The following PTPN4 variants were observed in gnomAD, a reference collection of about 807,000 sequenced individuals.
PTPN4 encodes tyrosine-protein phosphatase non-receptor type 4.
A neutral mutation model predicts 135.5 loss-of-function variants in PTPN4; 49 were observed. The ratio of observed to expected loss-of-function variants is 0.36; its 90% confidence interval spans 0.29 to 0.46. The LOEUF (loss-of-function observed/expected upper bound fraction) is 0.46, where lower values mean the gene tolerates loss of function less well. PTPN4 is among the 20% of genes least tolerant of loss of function. The probability of loss-of-function intolerance (pLI) is 1.00; values close to 1 mark genes in which losing one functional copy is unlikely to be tolerated. For synonymous variants in PTPN4, 333 were observed against 369.9 expected (o/e 0.90, Z 1.14); for missense variants, 860 against 1,101.0 (o/e 0.78, Z 3.10).
intron 2 of PTPN4, among the ~76,000 whole-genome samples, chr2:119,831,361 C>T (rs1161916589): frequency 1.3e-5 from 2 of 152,158 alleles, no homozygotes; most frequent in Non-Finnish European, 2.9e-5. Flanking sequence ...TTCATTTTCA[C>T]TTGAGTGGTC....
chr2:119,957,245 A>G, intron 22 of PTPN4, among the ~76,000 whole-genome samples, 168 bp downstream of exon 22: 1 of 152,172 alleles, frequency 6.6e-6, no homozygotes, highest in African/African-American at 2.4e-5. Flanking sequence ...TTGTGTATTA[A>G]TACAGGTAGA....
chr2:119,975,194 C>T (rs1043000196), intron 26 of PTPN4, among the ~76,000 whole-genome samples: 22 of 152,178 alleles, frequency 1.4e-4, no homozygotes, highest in African/African-American at 5.1e-4. Context: ...TCATCGCAGC[C>T]TCAACCTCCT....
At chr2:119,771,195 C>A (rs1286738510) in intron 1 of PTPN4, among the ~76,000 whole-genome samples, 2 of 152,160 alleles carry the variant, frequency 1.3e-5, no homozygotes, top group African/African-American at 4.8e-5. Flanking sequence ...GTGATGCCTT[C>A]TTGGACTTTC....
intron 19 of PTPN4, among the ~76,000 whole-genome samples, chr2:119,953,386 C>G (rs1679236559): frequency 6.6e-6 from 1 of 152,142 alleles, no homozygotes. Context: ...CTTTGTACCT[C>G]TTGTTCACAA....
chr2:119,931,738 C>T (rs1033801663), intron 13 of PTPN4, among the ~76,000 whole-genome samples: 2 of 151,962 alleles, frequency 1.3e-5, no homozygotes, highest in Non-Finnish European at 2.9e-5. Context: ...CCTCGCGCAT[C>T]CAAGATCTTT....
intron 1 of PTPN4, among the ~76,000 whole-genome samples, chr2:119,764,321 T>A (rs912603189): frequency 6.6e-6 from 1 of 152,174 alleles, no homozygotes; most frequent in Non-Finnish European, 1.5e-5. Context: ...TATATAGGAG[T>A]TCCCCGGTGC....
intron 12 of PTPN4, among the ~76,000 whole-genome samples, chr2:119,924,010 A>G (rs1678776571): frequency 6.6e-6 from 1 of 151,720 alleles, no homozygotes; most frequent in South Asian, 2.1e-4. Context: ...AGTGGTGGGC[A>G]CCTGTAGTCC....
chr2:119,788,575 A>G (rs1039924565), intron 1 of PTPN4, among the ~76,000 whole-genome samples: 1 of 152,180 alleles, frequency 6.6e-6, no homozygotes, highest in African/African-American at 2.4e-5. Context: ...TCTTTAAAGT[A>G]TGAAATTCTG....
At chr2:119,851,796 C>A (rs1470491304) in intron 2 of PTPN4, among the ~76,000 whole-genome samples, 1 of 152,092 alleles carries the variant, frequency 6.6e-6, no homozygotes, top group Non-Finnish European at 1.5e-5. Flanking sequence ...ATTGTCTGTC[C>A]CTGCCTCCGG....
intron 6 of PTPN4, 63 bp from the exon 7 acceptor site, chr2:119,882,034 T>G: frequency 7.1e-7 from 1 of 1,409,930 alleles, no homozygotes; most frequent in Non-Finnish European, 1.0e-6. Flanking sequence ...TTTAACAAAT[T>G]ATAGCACTTT....
intron 1 of PTPN4, among the ~76,000 whole-genome samples, chr2:119,784,187 T>A (rs1167866830): frequency 6.6e-6 from 1 of 152,006 alleles, no homozygotes; most frequent in Non-Finnish European, 1.5e-5. Context: ...ACATCTACTG[T>A]ACTCTGTTGG....
At chr2:119,867,308 A>C (rs1232650321) in intron 3 of PTPN4, among the ~76,000 whole-genome samples, 1 of 152,136 alleles carries the variant, frequency 6.6e-6, no homozygotes, top group East Asian at 1.9e-4. Flanking sequence ...GGAATAAAGA[A>C]ATTGCTAAGA....
At chr2:119,779,872 G>A (rs934682303) in intron 1 of PTPN4, among the ~76,000 whole-genome samples, 2 of 152,014 alleles carry the variant, frequency 1.3e-5, no homozygotes, top group South Asian at 4.2e-4. Flanking sequence ...AGCCTTCTGG[G>A]TAGTTGGGAC....
intron 18 of PTPN4, among the ~76,000 whole-genome samples, chr2:119,948,167 T>C (rs1008979024): frequency 7.9e-5 from 12 of 152,100 alleles, no homozygotes; most frequent in Admixed American, 4.6e-4. Context: ...AATATGAATA[T>C]GATTGGGACT....
At position 119,983,603 on chromosome 2, in the gene PTPN4, T is replaced by C. The variant is rs1208260159; in HGVS notation, c.*6533T>C. On this transcript the variant is annotated 3_prime_UTR_variant, in exon 27 of 27. Transcript: ENST00000263708. Reference sequence around the variant, plus strand: ...TATTTCATGCTGACCACCAACTTAATTTATACATTTTAAAATAAAATTATC... The same window carrying C: ...TATTTCATGCTGACCACCAACTTAACTTATACATTTTAAAATAAAATTATC... 1 of 152,214 alleles carries C rather than the reference T, an allele frequency of 6.6e-6. No individual in the cohort carries two copies. Among genetic ancestry groups the C allele is most frequent in the Non-Finnish European group, 1.5e-5 (1 of 68,032 alleles). The allele number at this position is 152,214 out of a possible 1,614,324, so 9.4% of individuals were successfully genotyped here.
intron 1 of PTPN4, among the ~76,000 whole-genome samples, chr2:119,795,823 C>T (rs1317410134): frequency 6.6e-6 from 1 of 152,246 alleles, no homozygotes; most frequent in Non-Finnish European, 1.5e-5. Context: ...CTATCCCCAC[C>T]CCTTTGTGCC....
intron 25 of PTPN4, among the ~76,000 whole-genome samples, chr2:119,967,457 A>G (rs1021465972): frequency 7.9e-5 from 12 of 152,170 alleles, no homozygotes; most frequent in Non-Finnish European, 1.5e-4. Flanking sequence ...AAAAAAAAAA[A>G]AGATATATTT....
At chr2:119,969,243 G>A (rs1442292471) in intron 26 of PTPN4, among the ~76,000 whole-genome samples, 17 of 151,974 alleles carry the variant, frequency 1.1e-4, no homozygotes, top group Admixed American at 1.1e-3. Flanking sequence ...GAACTCCTGG[G>A]TTCAAGCTGT....
rs763375133 is a variant in PTPN4 at position 119,979,839 on chromosome 2, A to G, written c.*2769A>G. 1.3e-5 allele frequency: 2 copies of G among 152,150 alleles called. No homozygotes were observed. Among genetic ancestry groups the G allele is most frequent in the Non-Finnish European group, 2.9e-5 (2 of 67,970 alleles). 9.4% of individuals were successfully genotyped at this position (152,150 alleles called of 1,614,324 possible). ...GACAAGTGGAAATCAATAGTGGTTA[A>G]TCAAGTGGATTTTGTAAATGCTAAG... On this transcript the variant is annotated 3_prime_UTR_variant, in exon 27 of 27. Transcript: ENST00000263708.
Sources: gnomAD v4.1 joint callset for allele counts (sites outside exome capture counted in the v4.1 genomes callset) on GRCh38, gnomAD v4.1.1 for gene constraint, MANE v1.5 for transcripts, NCBI Gene and HGNC (gene_info 2026-07-23, HGNC 2026-07-21) for gene names.